The following SV2C variants were observed in gnomAD, a reference collection of about 807,000 sequenced individuals.
SV2C encodes the protein synaptic vesicle glycoprotein 2C.
In SV2C, 49 loss-of-function variants were observed where a neutral mutation model predicts 79.7. The observed-to-expected ratio is 0.61, with a 90% confidence interval of 0.49 to 0.78. The LOEUF is 0.78. Ranked by LOEUF, SV2C falls within the 30% of genes least tolerant of loss-of-function variation. The pLI, the probability that SV2C is intolerant of heterozygous loss-of-function variation, is 0.00. For synonymous variants in SV2C, 334 were observed against 333.2 expected, an observed-to-expected ratio of 1.00 and a Z score of -0.03; for missense variants, 833 against 912.9, an observed-to-expected ratio of 0.91 and a Z score of 1.13.
chr5:76,236,831 C>T (rs1745630745), intron 4 of SV2C, among the ~76,000 whole-genome samples: 1 of 152,178 alleles, frequency 6.6e-6, no homozygotes, highest in Non-Finnish European at 1.5e-5. Flanking sequence ...CATATCTTGC[C>T]TCAAATTGTA....
chr5:76,270,772 A>T (rs1354898030), intron 4 of SV2C, among the ~76,000 whole-genome samples: 1 of 150,068 alleles, frequency 6.7e-6, no homozygotes, highest in Non-Finnish European at 1.5e-5. Context: ...ATTTATTTTT[A>T]TTATTTTTTT....
chr5:76,322,209 G>A (rs566727082), intron 12 of SV2C, among the ~76,000 whole-genome samples: 3 of 152,230 alleles, frequency 2.0e-5, no homozygotes, highest in African/African-American at 4.8e-5. Flanking sequence ...CAAAATCAAC[G>A]TGCAAAAATC....
chr5:75,954,040 G>C, the SV2C span, among the ~76,000 whole-genome samples: 1 of 151,910 alleles, frequency 6.6e-6, no homozygotes, highest in Non-Finnish European at 1.5e-5. Context: ...ATTACTTAGT[G>C]ACAATAAGGA....
At chr5:75,900,264 G>A in the SV2C span, among the ~76,000 whole-genome samples, 75 of 152,236 alleles carry the variant, frequency 4.9e-4, no homozygotes, top group Middle Eastern at 6.8e-3. Context: ...GCCTGGTGGT[G>A]ACAAAATCTC....
chr5:75,944,379 G>A, the SV2C span, among the ~76,000 whole-genome samples: 4 of 152,192 alleles, frequency 2.6e-5, no homozygotes, highest in African/African-American at 7.2e-5. Context: ...ATATATGCAT[G>A]TTAGCAAGCT....
chr5:76,196,192 C>T (rs567589126), intron 3 of SV2C, among the ~76,000 whole-genome samples: 1 of 152,250 alleles, frequency 6.6e-6, no homozygotes, highest in East Asian at 1.9e-4. Context: ...TAGCATTTCC[C>T]ACAGCTCCTA....
At chr5:76,176,942 C>T (rs896524685) in intron 2 of SV2C, among the ~76,000 whole-genome samples, 1 of 151,832 alleles carries the variant, frequency 6.6e-6, no homozygotes, top group African/African-American at 2.4e-5. Context: ...GATGAAACCC[C>T]GTCTCTACTA....
the SV2C span, among the ~76,000 whole-genome samples, chr5:75,999,902 G>A: frequency 2.0e-5 from 3 of 152,072 alleles, no homozygotes; most frequent in African/African-American, 7.2e-5. Context: ...GAGACAGAGA[G>A]GCAATATCTT....
the SV2C span, chr5:75,911,548 C>T: frequency 1.5e-6 from 1 of 665,394 alleles, no homozygotes; most frequent in East Asian, 2.6e-5. Context: ...GACTCCAAGT[C>T]CTAGTACCTC....
the SV2C span, among the ~76,000 whole-genome samples, chr5:75,857,936 C>A: frequency 6.6e-6 from 1 of 152,146 alleles, no homozygotes; most frequent in Non-Finnish European, 1.5e-5. Flanking sequence ...AAATGCTACT[C>A]ATTTTTGTAT....
chr5:75,996,877 A>AT, the SV2C span, among the ~76,000 whole-genome samples: 1 of 135,432 alleles, frequency 7.4e-6, no homozygotes, highest in African/African-American at 2.7e-5. Context: ...GCTTAAGGAG[A>AT]TTTTGGGCTG....
the SV2C span, among the ~76,000 whole-genome samples, chr5:76,002,274 A>T: frequency 6.6e-6 from 1 of 152,136 alleles, no homozygotes; most frequent in Non-Finnish European, 1.5e-5. Flanking sequence ...TGCTATAAAC[A>T]TGTGTGTGCA....
the SV2C span, among the ~76,000 whole-genome samples, chr5:75,934,841 A>G: frequency 6.7e-6 from 1 of 149,872 alleles, no homozygotes; most frequent in African/African-American, 2.5e-5. Context: ...GTGAGCACAT[A>G]TTGATGCTGA....
chr5:76,026,963 T>G, the SV2C span, among the ~76,000 whole-genome samples: 12 of 152,276 alleles, frequency 7.9e-5, no homozygotes, highest in East Asian at 5.8e-4. Flanking sequence ...TTTTCCTATT[T>G]TTTTTCTAAG....
chr5:76,011,252 T>C, the SV2C span, among the ~76,000 whole-genome samples: 1 of 152,166 alleles, frequency 6.6e-6, no homozygotes, highest in Non-Finnish European at 1.5e-5. Flanking sequence ...ATAGAAACTT[T>C]GAAATAATAG....
At chr5:75,877,154 A>G in the SV2C span, among the ~76,000 whole-genome samples, 1 of 152,104 alleles carries the variant, frequency 6.6e-6, no homozygotes, top group Non-Finnish European at 1.5e-5. Flanking sequence ...TATACTGATA[A>G]TCAGACAAAA....
rs112487107 is a variant in SV2C, at chr5:76,253,575, A to G, written c.914-31587A>G. 3.6e-3 allele frequency among the ~76,000 whole-genome samples: 548 copies of G among 152,226 alleles called. 3 individuals are homozygous for G. Among genetic ancestry groups the G allele is most frequent in the African/African-American group, 0.012 (511 of 41,534 alleles). Reference sequence around the variant, plus strand: ...TTTTACCATTTAGGATGGGAGGGAAATGGTTTCTCAGAATTCTCTGGGATT... The same window carrying G: ...TTTTACCATTTAGGATGGGAGGGAAGTGGTTTCTCAGAATTCTCTGGGATT... On this transcript the variant is annotated intron_variant, in intron 4 of 12. Coordinates refer to ENST00000502798, the MANE Select transcript of SV2C (RefSeq NM_014979.4).
At chr5:76,035,715 A>G in the SV2C span, among the ~76,000 whole-genome samples, 2 of 152,272 alleles carry the variant, frequency 1.3e-5, no homozygotes, top group East Asian at 1.9e-4. Context: ...AAAAGAATGT[A>G]TCTTCTGTTG....
the SV2C span, among the ~76,000 whole-genome samples, chr5:75,945,503 G>A: frequency 6.6e-6 from 1 of 151,668 alleles, no homozygotes; most frequent in Non-Finnish European, 1.5e-5. Flanking sequence ...TTTTTTGGTA[G>A]AGACAGGGTT....
Sources: allele counts gnomAD v4.1 joint callset (sites outside exome capture counted in the v4.1 genomes callset), GRCh38; gene constraint gnomAD v4.1.1; transcripts MANE v1.5; gene names NCBI Gene and HGNC (gene_info 2026-07-23, HGNC 2026-07-21).